CACNA1C: variants seen among roughly 807,000 people sequenced by gnomAD.
CACNA1C encodes the protein voltage-dependent L-type calcium channel subunit alpha-1C.
A neutral mutation model predicts 229.0 loss-of-function variants in CACNA1C; 30 were observed. The observed-to-expected ratio is 0.13, with a 90% CI of 0.10 to 0.18. The LOEUF (loss-of-function observed/expected upper bound fraction) is 0.18, where lower values mean the gene tolerates loss of function less well. Ranked by LOEUF, CACNA1C falls within the 10% of genes least tolerant of loss-of-function variation. CACNA1C has a pLI of 1.00. For missense variants in CACNA1C, 1,658 were observed against 2,845.0 expected (o/e 0.58, Z 9.49); for synonymous variants, 1,114 against 1,132.5 (o/e 0.98, Z 0.33).
chr12:1,986,294 TCTC>T (rs2037763904), intron 1 of CACNA1C, among the ~76,000 whole-genome samples: 1 of 152,094 alleles, frequency 6.6e-6, no homozygotes, highest in Non-Finnish European at 1.5e-5. Flanking sequence ...AATTAGGAGA[TCTC>T]CTCATCCAGC....
chr12:2,004,346 T>C (rs879813730), intron 1 of CACNA1C: 8 of 1,613,214 alleles, frequency 5.0e-6, no homozygotes, highest in East Asian at 2.2e-5. Context: ...CACGATGCGG[T>C]TGATATAGGG....
chr12:2,665,102 G>T lies in CACNA1C; in HGVS notation c.4398+112G>T. 8.5e-7 allele frequency: 1 copy of T among 1,169,940 alleles called. No individual in the cohort carries two copies. Among genetic ancestry groups the T allele is most frequent in the Non-Finnish European group, 1.2e-6 (1 of 816,432 alleles). 72.5% of individuals were successfully genotyped at this position (1,169,940 alleles called of 1,614,324 possible). A position where few individuals can be genotyped will look rare whatever the true frequency, so the allele number is the denominator to read the frequency against. The stretch of plus-strand genomic sequence containing the variant: ...CAGGGCAACCCTATCAGAGGAGCTG[G>T]CTTGGGAAGACTAAGTTGGCAGGAG... On this transcript the variant is annotated intron_variant, in intron 35 of 46. Transcript: ENST00000399655. The surrounding 1 kb of genome is among the most constrained non-coding windows in gnomAD (Gnocchi z 5.9).
chr12:2,573,428 A>G (rs1296559903), intron 13 of CACNA1C, among the ~76,000 whole-genome samples: 3 of 152,378 alleles, frequency 2.0e-5, no homozygotes, highest in Non-Finnish European at 4.4e-5. Flanking sequence ...TCAAGGTAAG[A>G]ACTACTATGA....
At chr12:2,362,528 C>T (rs1021151488) in intron 3 of CACNA1C, among the ~76,000 whole-genome samples, 5 of 152,120 alleles carry the variant, frequency 3.3e-5, no homozygotes, top group African/African-American at 9.7e-5. Flanking sequence ...ATTTCAAGAC[C>T]ACACAGTTCA....
chr12:2,186,649 G>A (rs563166793), intron 3 of CACNA1C, among the ~76,000 whole-genome samples: 46 of 152,246 alleles, frequency 3.0e-4, no homozygotes, highest in African/African-American at 1.0e-3. Context: ...GCACTTACAC[G>A]TTTCCATAGC....
Position 2,389,238 on chromosome 12 carries a change from G to A in CACNA1C, c.478-59738G>A, listed in dbSNP as rs528623894. On this transcript the variant is annotated intron_variant, in intron 3 of 46. Coordinates refer to ENST00000399655, the MANE Select transcript of CACNA1C (RefSeq NM_000719.7). The stretch of plus-strand genomic sequence containing the variant: ...GGTCAAATGAGATAAGGACAGAGGC[G>A]TGGCCTTTGGATTCCGAGATGTGTT... 7.7e-4 allele frequency among the ~76,000 whole-genome samples: 117 copies of A among 152,214 alleles called. 1 individual carries two copies. The Middle Eastern group carries it at 0.014, about 18-fold the overall frequency.
intron 3 of CACNA1C, among the ~76,000 whole-genome samples, chr12:2,259,456 C>G (rs531748352): frequency 2.0e-5 from 3 of 152,218 alleles, no homozygotes; most frequent in East Asian, 1.9e-4. Flanking sequence ...AAAAAAAGAA[C>G]AAAACAAACC....
At chr12:2,255,665 T>C (rs2077198589) in intron 3 of CACNA1C, among the ~76,000 whole-genome samples, 1 of 152,224 alleles carries the variant, frequency 6.6e-6, no homozygotes, top group African/African-American at 2.4e-5. Context: ...ATTTCCTTTC[T>C]GGAAGGAAGG....
chr12:2,668,681 A>G, intron 37 of CACNA1C: 1 of 455,382 alleles, frequency 2.2e-6, no homozygotes, highest in Non-Finnish European at 4.0e-6. Context: ...GGGAGGGACC[A>G]CACACTTACT....
At chr12:2,017,618 A>G (rs896662603) in intron 1 of CACNA1C, among the ~76,000 whole-genome samples, 1 of 151,274 alleles carries the variant, frequency 6.6e-6, no homozygotes, top group African/African-American at 2.4e-5. Context: ...CCCACTAAAC[A>G]TGGTGATGTA....
At chr12:2,546,377 T>TTC (rs1568346765) in intron 9 of CACNA1C, among the ~76,000 whole-genome samples, 12 of 151,754 alleles carry the variant, frequency 7.9e-5, no homozygotes, top group Admixed American at 1.3e-4. Context: ...CTTCACACTC[T>TTC]CCTGTGCAGT....
intron 1 of CACNA1C, among the ~76,000 whole-genome samples, chr12:2,057,918 G>A (rs899638525): frequency 6.6e-6 from 1 of 152,196 alleles, no homozygotes; most frequent in Non-Finnish European, 1.5e-5. Context: ...AAAGGCAGGA[G>A]GACATTTTCC....
chr12:2,189,172 G>A (rs1664136128), intron 3 of CACNA1C, among the ~76,000 whole-genome samples: 1 of 151,276 alleles, frequency 6.6e-6, no homozygotes, highest in South Asian at 2.1e-4. Flanking sequence ...AGTGTTGGGA[G>A]AAGTGGAGAA....
At chr12:2,661,786 A>G (rs2095753311) in intron 34 of CACNA1C, among the ~76,000 whole-genome samples, 1 of 152,350 alleles carries the variant, frequency 6.6e-6, no homozygotes, top group Non-Finnish European at 1.5e-5. Flanking sequence ...TTAACTAAAA[A>G]CCCTTTAGGA....
At chr12:2,458,725 G>A (rs145396697) in intron 5 of CACNA1C, among the ~76,000 whole-genome samples, 15 of 152,262 alleles carry the variant, frequency 9.9e-5, no homozygotes, top group Non-Finnish European at 1.5e-4. Context: ...CTTGGTTACC[G>A]GTGTGCTGCT....
chr12:2,326,956 G>A (rs2096328872), intron 3 of CACNA1C, among the ~76,000 whole-genome samples: 1 of 152,184 alleles, frequency 6.6e-6, no homozygotes, highest in African/African-American at 2.4e-5. Flanking sequence ...TCTCTATAGT[G>A]CCATGGCAGA....
intron 29 of CACNA1C, 178 bp downstream of exon 29, chr12:2,612,191 C>T (rs1042137558): frequency 3.5e-6 from 2 of 573,644 alleles, no homozygotes; most frequent in Admixed American, 2.9e-5. Context: ...CTGAACCAGG[C>T]CAACTCCAGG....
At chr12:2,081,668 TAAAG>T in intron 1 of CACNA1C, among the ~76,000 whole-genome samples, 1 of 152,280 alleles carries the variant, frequency 6.6e-6, no homozygotes, top group Non-Finnish European at 1.5e-5. Flanking sequence ...ACATGCTTAA[TAAAG>T]AAGCATTAAT....
intron 19 of CACNA1C, among the ~76,000 whole-genome samples, chr12:2,594,319 A>G (rs957579489): frequency 6.6e-6 from 1 of 152,236 alleles, no homozygotes; most frequent in Admixed American, 6.5e-5. Context: ...TGACACTCCA[A>G]TTGGACATCT....
Sources: gnomAD v4.1 joint callset for allele counts (sites outside exome capture counted in the v4.1 genomes callset) on GRCh38, gnomAD v4.1.1 for gene constraint, Gnocchi (gnomAD v3.1) non-coding constraint, MANE v1.5 for transcripts, NCBI Gene and HGNC (gene_info 2026-07-23, HGNC 2026-07-21) for gene names.